Variants in TMEM131L observed in about 807,000 individuals in gnomAD.
TMEM131L encodes the protein transmembrane protein 131-like.
TMEM131L carries 54 observed loss-of-function variants against 192.2 expected under a neutral mutation model. That is an observed-to-expected ratio of 0.28 (90% CI 0.23 to 0.35). The LOEUF is 0.35. Ranked by LOEUF, TMEM131L falls within the 10% of genes least tolerant of loss-of-function variation. The probability of loss-of-function intolerance (pLI) is 1.00; values close to 1 mark genes in which losing one functional copy is unlikely to be tolerated. For synonymous variants in TMEM131L, 701 were observed against 704.9 expected (o/e 0.99, Z 0.09); for missense variants, 1,888 against 1,972.9 (o/e 0.96, Z 0.82).
Position 153,548,360 on chromosome 4 carries a change from A to C in TMEM131L, c.240-1713A>C, listed in dbSNP as rs534105924. ...CTGTCGCCAAGGCTGGATGGAGTGCAGTGGCACGATCTTGGCTCACTGCAA... is the reference window on the plus strand; with the variant it reads ...CTGTCGCCAAGGCTGGATGGAGTGCCGTGGCACGATCTTGGCTCACTGCAA... On this transcript the variant is annotated intron_variant, in intron 3 of 34. Transcript: ENST00000409959. Among the ~76,000 whole-genome samples the C allele has an allele frequency of 6.6e-5, 10 of 152,318 alleles. No homozygotes were observed. The South Asian group carries it at 2.1e-3, about 32-fold the overall frequency.
chr4:153,564,153 G>A (rs751940989), intron 7 of TMEM131L, among the ~76,000 whole-genome samples: 7 of 151,918 alleles, frequency 4.6e-5, no homozygotes, highest in Non-Finnish European at 8.8e-5. Flanking sequence ...GCTGTGTGTG[G>A]TGATGCATGC....
chr4:153,571,504 A>G (rs2150616020), intron 7 of TMEM131L, among the ~76,000 whole-genome samples: 1 of 152,078 alleles, frequency 6.6e-6, no homozygotes, highest in Admixed American at 6.5e-5. Context: ...ACTATGGGGG[A>G]TTTAAGTGTA....
intron 33 of TMEM131L, among the ~76,000 whole-genome samples, chr4:153,634,512 C>CTAAT (rs1465519671): frequency 2.0e-5 from 3 of 152,170 alleles, no homozygotes; most frequent in Admixed American, 6.5e-5. Context: ...TCAAAAATAA[C>CTAAT]CCTAATCCAT....
chr4:153,547,083 A>G (rs1166977951), intron 3 of TMEM131L, among the ~76,000 whole-genome samples: 1 of 152,240 alleles, frequency 6.6e-6, no homozygotes, highest in Non-Finnish European at 1.5e-5. Flanking sequence ...TTCAAGCTGT[A>G]AAGTCAATTA....
At chr4:153,636,198 C>T (rs1399121267) in intron 34 of TMEM131L, 103 bp from the exon 35 acceptor site, 6 of 1,182,618 alleles carry the variant, frequency 5.1e-6, no homozygotes, top group Non-Finnish European at 7.2e-6. Context: ...CTAATAACTT[C>T]CAAGTAACTT....
At chr4:153,592,433 G>T in intron 17 of TMEM131L, 42 bp from the exon 18 acceptor site, 2 of 1,333,956 alleles carry the variant, frequency 1.5e-6, no homozygotes, top group East Asian at 2.3e-5. Context: ...GAGGGATGCT[G>T]TGTCCCTCTC....
At chr4:153,576,762 T>G (rs1370325493) in intron 7 of TMEM131L, among the ~76,000 whole-genome samples, 1 of 152,188 alleles carries the variant, frequency 6.6e-6, no homozygotes, top group African/African-American at 2.4e-5. Context: ...AAGTTTCAGA[T>G]CAGAAATACA....
chr4:153,524,713 TGGA>T (rs1333333035), intron 3 of TMEM131L, among the ~76,000 whole-genome samples: 2 of 152,232 alleles, frequency 1.3e-5, no homozygotes, highest in Non-Finnish European at 2.9e-5. Flanking sequence ...TTTCGTGGCC[TGGA>T]GGAGGAGAAA....
At chr4:153,491,629 A>G (rs916140118) in intron 3 of TMEM131L, among the ~76,000 whole-genome samples, 2 of 152,094 alleles carry the variant, frequency 1.3e-5, no homozygotes, top group African/African-American at 4.8e-5. Flanking sequence ...TGAAAGCCTT[A>G]TATACACATT....
chr4:153,584,731 C>G, intron 11 of TMEM131L, 104 bp from the exon 12 acceptor site: 1 of 678,648 alleles, frequency 1.5e-6, no homozygotes, highest in Non-Finnish European at 2.4e-6. Flanking sequence ...TTAATGGAGA[C>G]AGAAAAGTGA....
intron 26 of TMEM131L, among the ~76,000 whole-genome samples, chr4:153,614,526 G>A (rs568944230): frequency 6.6e-6 from 1 of 152,274 alleles, no homozygotes; most frequent in East Asian, 1.9e-4. Flanking sequence ...GGTGGGGGGC[G>A]GCGGGGTGGA....
rs878925728 is a variant in TMEM131L, at chr4:153,602,681, C to T, written c.2593C>T (p.Pro865Ser). The T allele has an allele frequency of 6.2e-7, 1 of 1,613,944 alleles. No individual in the cohort carries two copies. The highest frequency in any genetic ancestry group is 1.1e-5 in the South Asian group (1 of 91,072). ...LPLCADVVPG[P>S]SWEESFWRLT... is the part of the protein sequence containing the mutation. ...CTTGTGTGCAGACGTGGTTCCAGGA[C>T]CCAGCTGGGAGGAGTCATTTTGGAG... The change falls in exon 23 of 35, where the codon CCC becomes TCC. Residue 865 changes from proline (P) to serine (S), a missense_variant. Physicochemically the swap from Pro to Ser is moderately conservative, Grantham distance 74. Transcript: ENST00000409959.
At chr4:153,612,106 T>C in intron 25 of TMEM131L, 146 bp from the exon 26 acceptor site, 1 of 524,074 alleles carries the variant, frequency 1.9e-6, no homozygotes, top group Non-Finnish European at 3.2e-6. Flanking sequence ...ACAAAATAAA[T>C]TTCTAGAGCA....
intron 16 of TMEM131L, among the ~76,000 whole-genome samples, chr4:153,589,495 A>G (rs1730924849): frequency 6.6e-6 from 1 of 152,168 alleles, no homozygotes; most frequent in Non-Finnish European, 1.5e-5. Context: ...CATGTCCCAG[A>G]CAAGATGGAG....
chr4:153,546,755 C>G (rs1737207820), intron 3 of TMEM131L, among the ~76,000 whole-genome samples: 1 of 152,172 alleles, frequency 6.6e-6, no homozygotes, highest in African/African-American at 2.4e-5. Flanking sequence ...TGGAGAAACC[C>G]CATCTCTGTT....
At chr4:153,578,442 A>G (rs1341927985) in intron 7 of TMEM131L, among the ~76,000 whole-genome samples, 1 of 148,226 alleles carries the variant, frequency 6.7e-6, no homozygotes, top group African/African-American at 2.5e-5. Context: ...TGAAACCTCC[A>G]CCTCCTGGGT....
chr4:153,505,265 C>A (rs2150027869), intron 3 of TMEM131L, among the ~76,000 whole-genome samples: 1 of 152,106 alleles, frequency 6.6e-6, no homozygotes, highest in South Asian at 2.1e-4. Flanking sequence ...CACCACCACA[C>A]CCCGGTAATT....
At chr4:153,606,691 T>TA (rs1415280210) in intron 25 of TMEM131L, among the ~76,000 whole-genome samples, 1 of 152,234 alleles carries the variant, frequency 6.6e-6, no homozygotes, top group Admixed American at 6.5e-5. Context: ...TACAGATTAC[T>TA]AGTATGCTTA....
intron 7 of TMEM131L, among the ~76,000 whole-genome samples, chr4:153,576,431 A>G (rs1184897556): frequency 1.3e-5 from 2 of 152,256 alleles, no homozygotes; most frequent in East Asian, 3.8e-4. Context: ...CCTCTCGCTA[A>G]TAGAAGAATC....
Sources: allele counts gnomAD v4.1 joint callset (sites outside exome capture counted in the v4.1 genomes callset), GRCh38; gene constraint gnomAD v4.1.1; transcripts MANE v1.5; gene names NCBI Gene and HGNC (gene_info 2026-07-23, HGNC 2026-07-21).